Variants in HYCC1 observed in about 807,000 individuals in gnomAD.
The protein encoded by HYCC1 is hyccin PI4KA lipid kinase complex subunit 1, also known as hyccin.
the HYCC1 span, among the ~76,000 whole-genome samples, chr7:22,898,000 C>T: frequency 6.6e-6 from 1 of 151,926 alleles, no homozygotes; most frequent in Non-Finnish European, 1.5e-5. Flanking sequence ...AACTCCTTTT[C>T]TAAGCTTTGG....
chr7:23,002,115 GAAGA>G, the HYCC1 span, among the ~76,000 whole-genome samples: 3 of 130,318 alleles, frequency 2.3e-5, no homozygotes, highest in Admixed American at 2.4e-4. Context: ...AAATTGTCAA[GAAGA>G]AATAATGGTA....
At chr7:22,993,215 G>A in the HYCC1 span, among the ~76,000 whole-genome samples, 2 of 152,138 alleles carry the variant, frequency 1.3e-5, no homozygotes, top group African/African-American at 4.8e-5. Context: ...TGACCCTAGA[G>A]ATCATGCTGT....
chr7:22,999,307 C>A, the HYCC1 span, among the ~76,000 whole-genome samples: 1 of 152,252 alleles, frequency 6.6e-6, no homozygotes, highest in East Asian at 1.9e-4. Flanking sequence ...GTTTGCACCA[C>A]CTTTTACAAA....
chr7:22,976,158 C>CA, the HYCC1 span: 2 of 1,083,202 alleles, frequency 1.8e-6, no homozygotes, highest in South Asian at 2.5e-5. Context: ...ACCAGACTAG[C>CA]AATCATAGAT....
chr7:22,965,526 T>C, the HYCC1 span, among the ~76,000 whole-genome samples: 1 of 147,460 alleles, frequency 6.8e-6, no homozygotes, highest in Non-Finnish European at 1.5e-5. Context: ...GTGACAAACC[T>C]GCATGTTCGG....
chr7:22,963,414 G>T, the HYCC1 span, among the ~76,000 whole-genome samples: 1 of 152,132 alleles, frequency 6.6e-6, no homozygotes, highest in Non-Finnish European at 1.5e-5. Context: ...TAACAGAGAT[G>T]AAAAATGCCT....
chr7:22,984,725 A>G, the HYCC1 span, among the ~76,000 whole-genome samples: 2 of 152,176 alleles, frequency 1.3e-5, no homozygotes, highest in South Asian at 4.1e-4. Flanking sequence ...GGGTCAAATT[A>G]ACTCCGGAGT....
chr7:22,927,427 T>C, the HYCC1 span, among the ~76,000 whole-genome samples: 2 of 152,068 alleles, frequency 1.3e-5, no homozygotes, highest in African/African-American at 2.4e-5. Flanking sequence ...ACAAAATTGA[T>C]AGACTGCTAG....
chr7:22,917,147 C>A, the HYCC1 span, among the ~76,000 whole-genome samples: 1 of 152,168 alleles, frequency 6.6e-6, no homozygotes, highest in Admixed American at 6.5e-5. Context: ...CTGTCCCTCA[C>A]GGCAGTTTTT....
the HYCC1 span, among the ~76,000 whole-genome samples, chr7:22,899,218 A>G: frequency 6.6e-6 from 1 of 152,084 alleles, no homozygotes; most frequent in Non-Finnish European, 1.5e-5. Context: ...TGCACAATCA[A>G]TGATTTTCCA....
the HYCC1 span, among the ~76,000 whole-genome samples, chr7:22,907,970 C>T: frequency 7.9e-5 from 12 of 152,184 alleles, no homozygotes; most frequent in African/African-American, 2.9e-4. Context: ...CACCCCCACT[C>T]TCCCATTTGC....
At chr7:22,992,950 G>A in the HYCC1 span, among the ~76,000 whole-genome samples, 1 of 152,176 alleles carries the variant, frequency 6.6e-6, no homozygotes, top group South Asian at 2.1e-4. Flanking sequence ...CAGAACTGTG[G>A]GACCTGGACT....
At chr7:23,012,022 G>T in the HYCC1 span, among the ~76,000 whole-genome samples, 32 of 152,204 alleles carry the variant, frequency 2.1e-4, no homozygotes, top group African/African-American at 7.7e-4. Flanking sequence ...CATCTTGTAT[G>T]TTAGATAGTA....
chr7:22,939,820 T>C, the HYCC1 span: 2 of 152,144 alleles, frequency 1.3e-5, no homozygotes, highest in Non-Finnish European at 2.9e-5. Flanking sequence ...TTCTGTAAAA[T>C]GGGGATTCTA....
chr7:22,925,979 A>G, the HYCC1 span, among the ~76,000 whole-genome samples: 3 of 152,302 alleles, frequency 2.0e-5, no homozygotes, highest in East Asian at 1.9e-4. Context: ...CTAACAGCTG[A>G]TCTCTCGGCA....
At chr7:22,951,286 A>G in the HYCC1 span, among the ~76,000 whole-genome samples, 44 of 151,876 alleles carry the variant, frequency 2.9e-4, no homozygotes, top group Non-Finnish European at 2.8e-4. Flanking sequence ...CATATTTACT[A>G]AAGGTGAGAA....
chr7:22,947,341 A>T, the HYCC1 span: 1 of 1,002,630 alleles, frequency 1.0e-6, no homozygotes, highest in Non-Finnish European at 1.5e-6. Context: ...AAATTAGATG[A>T]CTGAATGTTA....
chr7:22,903,013 G>T, the HYCC1 span, among the ~76,000 whole-genome samples: 31 of 152,148 alleles, frequency 2.0e-4, no homozygotes, highest in East Asian at 4.0e-3. Context: ...CAAAACCACA[G>T]TAAGATACCA....
At chr7:22,933,886 T>C in the HYCC1 span, among the ~76,000 whole-genome samples, 1 of 152,202 alleles carries the variant, frequency 6.6e-6, no homozygotes, top group Non-Finnish European at 1.5e-5. Flanking sequence ...GACACAATGT[T>C]AGCTATTAGA....
Sources: gnomAD v4.1 joint callset for allele counts (sites outside exome capture counted in the v4.1 genomes callset) on GRCh38, gnomAD v4.1.1 for gene constraint, MANE v1.5 for transcripts, NCBI Gene and HGNC (gene_info 2026-07-23, HGNC 2026-07-21) for gene names.